The following BPTF variants were observed in gnomAD, a reference collection of about 807,000 sequenced individuals.
BPTF encodes bromodomain PHD finger transcription factor, also known as nucleosome-remodeling factor subunit BPTF.
In BPTF, 18 loss-of-function variants were observed where a neutral mutation model predicts 292.5. The observed-to-expected ratio is 0.06, with a 90% CI of 0.04 to 0.09. The LOEUF is 0.09. BPTF is among the 10% of genes least tolerant of loss of function. The pLI is 1.00. For synonymous variants in BPTF, 1,225 were observed against 1,251.9 expected (o/e 0.98, Z 0.45); for missense variants, 2,726 against 3,498.7 (o/e 0.78, Z 5.57).
In BPTF at chr17:67,911,946, T is replaced by C. The variant is rs761138754; in HGVS notation, c.4062T>C (p.Thr1354=). 3.1e-6 allele frequency: 5 copies of C among 1,614,046 alleles called. No individual in the cohort carries two copies. Among genetic ancestry groups the C allele is most frequent in the Admixed American group, 3.3e-5 (2 of 59,992 alleles). Residue 1354 remains threonine, a synonymous_variant, in exon 11 of 28, where the codon ACT becomes ACC. Coordinates refer to ENST00000306378, the MANE Select transcript of BPTF (RefSeq NM_182641.4). ...AGGACAGGCTGCCGGTCAAGGGGACTGAAGCAAATGGTAAAAAACCAAGTC... is the reference window on the plus strand; with the variant it reads ...AGGACAGGCTGCCGGTCAAGGGGACCGAAGCAAATGGTAAAAAACCAAGTC... ...NCEDRLPVKG[T]EANGKKPSQQ... is the part of the protein sequence containing the mutation.
chr17:67,864,972 T>A (rs1225796648), intron 2 of BPTF, among the ~76,000 whole-genome samples: 1 of 151,708 alleles, frequency 6.6e-6, no homozygotes, highest in Non-Finnish European at 1.5e-5. Flanking sequence ...GCCCGGCTAA[T>A]TTTTTTTGTA....
chr17:67,864,271 A>ATC (rs1474727251), intron 2 of BPTF, among the ~76,000 whole-genome samples: 1 of 152,184 alleles, frequency 6.6e-6, no homozygotes, highest in Non-Finnish European at 1.5e-5. Context: ...CGTGCCTGTA[A>ATC]TCCCAGCACT....
intron 24 of BPTF, chr17:67,960,181 G>A: frequency 4.1e-6 from 1 of 246,288 alleles, no homozygotes; most frequent in African/African-American, 2.3e-5. Context: ...ATTGATGTCT[G>A]GAGAAGGAGG....
At chr17:67,861,138 A>G (rs2059051691) in intron 2 of BPTF, among the ~76,000 whole-genome samples, 1 of 152,164 alleles carries the variant, frequency 6.6e-6, no homozygotes, top group South Asian at 2.1e-4. Context: ...AAATGGAATT[A>G]CTGTCCCACC....
chr17:67,911,908 A>G lies in BPTF; in HGVS notation c.4024A>G (p.Thr1342Ala). The change falls in exon 11 of 28, where the codon ACT becomes GCT. Residue 1342 changes from threonine (T) to alanine (A), a missense_variant. Coordinates refer to ENST00000306378, the MANE Select transcript of BPTF (RefSeq NM_182641.4). ...LKCELVSGES[T>A]GNCEDRLPVK... Reference sequence around the variant, plus strand: ...GTGTGAGTTGGTTTCTGGTGAGTCCACTGGAAACTGTGAGGACAGGCTGCC... The same window carrying G: ...GTGTGAGTTGGTTTCTGGTGAGTCCGCTGGAAACTGTGAGGACAGGCTGCC... 1.2e-6 allele frequency: 2 copies of G among 1,614,098 alleles called. No homozygotes were observed. Among genetic ancestry groups the G allele is most frequent in the Non-Finnish European group, 1.7e-6 (2 of 1,180,030 alleles).
chr17:67,840,708 A>G (rs1202914656), intron 1 of BPTF, among the ~76,000 whole-genome samples: 8 of 151,912 alleles, frequency 5.3e-5, no homozygotes, highest in Non-Finnish European at 1.0e-4. Flanking sequence ...GACCACAGGC[A>G]CATGCCACTA....
chr17:67,860,550 T>A (rs1025780637), intron 2 of BPTF, among the ~76,000 whole-genome samples: 8 of 152,244 alleles, frequency 5.3e-5, no homozygotes, highest in African/African-American at 1.9e-4. Flanking sequence ...AGCATATAAC[T>A]CAGAGGCCAG....
At position 67,911,591 on chromosome 17, in the gene BPTF, C is replaced by T. The variant is rs374907644; in HGVS notation, c.3707C>T (p.Pro1236Leu). 1.1e-5 allele frequency: 17 copies of T among 1,613,928 alleles called. No individual in the cohort carries two copies. The highest frequency in any genetic ancestry group is 4.0e-5 in the African/African-American group (3 of 74,866). The change falls in exon 11 of 28, where the codon CCG becomes CTG. Residue 1236 changes from proline (P) to leucine (L), a missense_variant. Around this residue, in one of 22 missense-constraint regions of BPTF, gnomAD observed 713 missense variants for 714.9 expected, o/e 1.00. Coordinates refer to ENST00000306378, the MANE Select transcript of BPTF (RefSeq NM_182641.4). ...ACTTTGATCTGTAAGAACAAAAAAC[C>T]GCTCATACAGGAGGAAAGTGACACC... The part of the protein sequence containing the change: ...IGTLICKNKK[P>L]LIQEESDTIV...
intron 1 of BPTF, among the ~76,000 whole-genome samples, chr17:67,845,758 A>G (rs2057982296): frequency 6.6e-6 from 1 of 151,740 alleles, no homozygotes; most frequent in Admixed American, 6.6e-5. Flanking sequence ...GAGCGACAGC[A>G]AGATTCTGTC....
intron 9 of BPTF, among the ~76,000 whole-genome samples, chr17:67,905,339 CAG>C (rs1479538013): frequency 6.6e-6 from 1 of 151,654 alleles, no homozygotes; most frequent in Non-Finnish European, 1.5e-5. Context: ...ACCCAGGAGG[CAG>C]AGGTTGCAGT....
chr17:67,828,499 ATG>A (rs1317459804), intron 1 of BPTF, among the ~76,000 whole-genome samples: 1 of 152,256 alleles, frequency 6.6e-6, no homozygotes, highest in East Asian at 1.9e-4. Flanking sequence ...TTTAAGAAAA[ATG>A]TGTTTACTTT....
chr17:67,972,138 A>C (rs1425673295), intron 26 of BPTF, among the ~76,000 whole-genome samples: 3 of 152,188 alleles, frequency 2.0e-5, no homozygotes, highest in African/African-American at 7.2e-5. Flanking sequence ...TTTGGCAAAG[A>C]AAGTGTTTTT....
intron 13 of BPTF, among the ~76,000 whole-genome samples, chr17:67,920,500 T>A (rs1468389282): frequency 6.6e-6 from 1 of 152,158 alleles, no homozygotes; most frequent in African/African-American, 2.4e-5. Flanking sequence ...AGTGGGTCAA[T>A]AAAGGTTTCT....
intron 11 of BPTF, among the ~76,000 whole-genome samples, chr17:67,916,302 A>T (rs747989841): frequency 6.6e-6 from 1 of 152,200 alleles, no homozygotes; most frequent in Non-Finnish European, 1.5e-5. Flanking sequence ...AATGCTGTCA[A>T]TAGAAAGCAT....
intron 27 of BPTF, chr17:67,976,180 A>G (rs2069387360): frequency 3.0e-6 from 1 of 337,638 alleles, no homozygotes; most frequent in African/African-American, 2.1e-5. Flanking sequence ...TTTTTTGAAA[A>G]TTCAAGAAGT....
intron 23 of BPTF, among the ~76,000 whole-genome samples, chr17:67,958,934 A>G (rs1287465861): frequency 6.6e-6 from 1 of 152,162 alleles, no homozygotes; most frequent in Non-Finnish European, 1.5e-5. Flanking sequence ...ACCATTGACA[A>G]GAGCGAAACT....
chr17:67,893,827 A>T, intron 6 of BPTF, 102 bp downstream of exon 6: 1 of 1,207,672 alleles, frequency 8.3e-7, no homozygotes. Context: ...AATGAGTTGA[A>T]TGAAGTCAAT....
intron 1 of BPTF, among the ~76,000 whole-genome samples, chr17:67,843,128 ACC>A (rs1365432883): frequency 3.9e-4 from 59 of 150,626 alleles, no homozygotes; most frequent in Admixed American, 3.9e-3. Flanking sequence ...GTAGATATAT[ACC>A]TATATCTACA....
At chr17:67,924,460 TG>T (rs1450590337) in intron 14 of BPTF, 86 bp from the exon 15 acceptor site, 2 of 1,298,046 alleles carry the variant, frequency 1.5e-6, no homozygotes, top group Admixed American at 2.0e-5. Context: ...CTTTGTATGA[TG>T]TGAAAATCAA....
Sources: gnomAD v4.1 joint callset for allele counts (sites outside exome capture counted in the v4.1 genomes callset) on GRCh38, gnomAD v4.1.1 for gene constraint, gnomAD v4.1.1 regional missense constraint, MANE v1.5 for transcripts, NCBI Gene and HGNC (gene_info 2026-07-23, HGNC 2026-07-21) for gene names.